GALNT18: variants seen among roughly 807,000 people sequenced by gnomAD.
The protein encoded by GALNT18 is GalNAc-transferase 18.
In GALNT18, 44 loss-of-function variants were observed where a neutral mutation model predicts 69.5. The ratio of observed to expected loss-of-function variants is 0.63; its 90% CI spans 0.50 to 0.81. The LOEUF is 0.81. Among genes scored for constraint, GALNT18 ranks in the 40% least tolerant of loss-of-function variants. The pLI is 0.00. For missense variants in GALNT18, 715 were observed against 810.0 expected (o/e 0.88, Z 1.42); for synonymous variants, 364 against 318.2 (o/e 1.14, Z -1.53).
At chr11:11,276,810 T>C (rs928840683) in intron 10 of GALNT18, among the ~76,000 whole-genome samples, 11 of 152,202 alleles carry the variant, frequency 7.2e-5, no homozygotes, top group East Asian at 3.9e-4. Context: ...TGATGGATTA[T>C]GTTGCTTGAT....
rs1554932034 is a variant in GALNT18, at chr11:11,419,619, A to AAAAAGAAAG, written c.595+13001_595+13002insCTTTCTTTT. Among the ~76,000 whole-genome samples, 36 of 128,448 alleles carry AAAAAGAAAG rather than the reference A, an allele frequency of 2.8e-4. 1 individual carries two copies. In the East Asian group the frequency reaches 4.8e-3, roughly 17 times the overall value. The allele number at this position is 128,448 out of a possible 152,430, so 84.3% of individuals were successfully genotyped here. On this transcript the variant is annotated intron_variant, in intron 3 of 10. Transcript: ENST00000227756. The stretch of plus-strand genomic sequence containing the variant: ...CTCAAAAAAAAAAAAAAAAAAAAAA[A>AAAAAGAAAG]AAAGAAAGAAGGAAAAGAAACCATG...
At chr11:11,346,687 AC>A in intron 6 of GALNT18, among the ~76,000 whole-genome samples, 1 of 152,192 alleles carries the variant, frequency 6.6e-6, no homozygotes, top group South Asian at 2.1e-4. Flanking sequence ...TGCTGGGACC[AC>A]CTCCCACATG....
At chr11:11,426,492 C>T (rs1262909458) in intron 3 of GALNT18, among the ~76,000 whole-genome samples, 1 of 152,208 alleles carries the variant, frequency 6.6e-6, no homozygotes, top group African/African-American at 2.4e-5. Flanking sequence ...TCTACAGATT[C>T]AAAATTCTTT....
rs141378059 is a variant in GALNT18, at chr11:11,276,629, A to G, written c.1678-5339T>C. Reference sequence around the variant, plus strand: ...TTGTGCCAGTTTTCACCCATTCAGTATGATATTGGCTGTGGGTTTGTCATA... The same window carrying G: ...TTGTGCCAGTTTTCACCCATTCAGTGTGATATTGGCTGTGGGTTTGTCATA... On this transcript the variant is annotated intron_variant, in intron 10 of 10. Transcript: ENST00000227756. Among the ~76,000 whole-genome samples the G allele has an allele frequency of 6.8e-3, 1,028 of 151,954 alleles. 14 individuals carry two copies. The highest frequency in any genetic ancestry group is 0.024 in the African/African-American group (983 of 41,496).
At position 11,285,008 on chromosome 11, in the gene GALNT18, C is replaced by T. The variant is rs562581780; in HGVS notation, c.1677+8021G>A. The stretch of plus-strand genomic sequence containing the variant: ...GCCCAGGGCTTGTTGTGTGAAGGGC[C>T]CCTTGGACTGAAGATGGGGTAACAG... On this transcript the variant is annotated intron_variant, in intron 10 of 10. Transcript: ENST00000227756. Among the ~76,000 whole-genome samples, 12 of 145,134 alleles carry T rather than the reference C, an allele frequency of 8.3e-5. No individual in the cohort carries two copies. The South Asian group carries it at 2.7e-3, about 32-fold the overall frequency.
At chr11:11,577,906 T>C (rs10734187) in intron 1 of GALNT18, among the ~76,000 whole-genome samples, 145,805 of 152,266 alleles carry the variant, frequency 0.96, 69,847 homozygotes, top group South Asian at 0.99. Flanking sequence ...GAATACAGAT[T>C]GGCAGGGGCA....
At position 11,377,310 on chromosome 11, in the gene GALNT18, G is replaced by C. The variant is rs762348842; in HGVS notation, c.849C>G (p.Ile283Met). Residue 283 changes from isoleucine (I) to methionine (M), a missense_variant, in exon 5 of 11, where the codon ATC becomes ATG. By Grantham distance (10) the Ile-to-Met change is conservative. Transcript: ENST00000227756. The surrounding 1 kb of genome is among the most constrained non-coding windows in gnomAD (Gnocchi z 4.6). ...CTTCTATCTCAAAGTTGTCATATTTGATGTTATCAAAGGATGGCGAGATGA... is the reference window on the plus strand; with the variant it reads ...CTTCTATCTCAAAGTTGTCATATTTCATGTTATCAAAGGATGGCGAGATGA... ...KRIISPSFDN[I>M]KYDNFEIEEY... 1 of 1,614,062 alleles carries C rather than the reference G, an allele frequency of 6.2e-7. No homozygotes were observed. The highest frequency in any genetic ancestry group is 1.1e-5 in the South Asian group (1 of 91,072).
In GALNT18 at chr11:11,444,029, C is replaced by G. The variant is rs1297127821; in HGVS notation, c.428+4715G>C. ...TGGACATCTTTGGGAGGCCATTATT[C>G]TGCCTATCCATGAAGCCAGGACCCC... is the stretch of plus-strand genomic sequence containing the variant. On this transcript the variant is annotated intron_variant, in intron 2 of 10. Coordinates refer to ENST00000227756, the MANE Select transcript of GALNT18 (RefSeq NM_198516.3). This position sits in a 1 kb window ranked among gnomAD's most constrained non-coding sequence, Gnocchi z 4.4. 3.3e-5 allele frequency among the ~76,000 whole-genome samples: 5 copies of G among 152,296 alleles called. No individual in the cohort carries two copies. The East Asian group carries it at 9.7e-4, about 29-fold the overall frequency.
intron 1 of GALNT18, among the ~76,000 whole-genome samples, chr11:11,521,179 T>A (rs1857390777): frequency 6.6e-6 from 1 of 151,962 alleles, no homozygotes; most frequent in Admixed American, 6.6e-5. Context: ...TGCCCCATAA[T>A]GAGCCCTGAA....
rs569455597 is a variant in GALNT18 at position 11,555,194 on chromosome 11, CGG to C, written c.235+66163_235+66164del. Among the ~76,000 whole-genome samples the C allele has an allele frequency of 1.9e-3, 285 of 152,246 alleles. 3 individuals are homozygous for C. The highest frequency in any genetic ancestry group is 6.7e-3 in the African/African-American group (279 of 41,552). ...AGGATCCCTGATGGGCTGCTCAGGG[CGG>C]GGGTGCCTATCCCCACCCCACCATT... On this transcript the variant is annotated intron_variant, in intron 1 of 10. Transcript: ENST00000227756. The surrounding 1 kb of genome is among the most constrained non-coding windows in gnomAD (Gnocchi z 4.7).
chr11:11,300,374 T>C (rs1590020838), intron 9 of GALNT18, among the ~76,000 whole-genome samples: 2 of 152,302 alleles, frequency 1.3e-5, no homozygotes, highest in Non-Finnish European at 2.9e-5. Context: ...ATTGGGACAC[T>C]GTTTACAAGA....
At chr11:11,366,445 A>T (rs1413852779) in intron 6 of GALNT18, among the ~76,000 whole-genome samples, 1 of 152,220 alleles carries the variant, frequency 6.6e-6, no homozygotes, top group East Asian at 1.9e-4. Flanking sequence ...TGTATGAAGT[A>T]ATTAATTTCT....
Position 11,382,345 on chromosome 11 carries a change from T to A in GALNT18, c.596-3081A>T, listed in dbSNP as rs1369866749. Among the ~76,000 whole-genome samples the A allele has an allele frequency of 6.6e-6, 1 of 152,236 alleles. No homozygotes were observed. Among genetic ancestry groups the A allele is most frequent in the Non-Finnish European group, 1.5e-5 (1 of 68,038 alleles). On this transcript the variant is annotated intron_variant, in intron 3 of 10. Transcript: ENST00000227756. This position sits in a 1 kb window ranked among gnomAD's most constrained non-coding sequence, Gnocchi z 4.3. ...TTTTCATGTTTTCTTTCAATCTTTG[T>A]TAAGTGCCAAAGCAAGAAAGAACTA...
intron 10 of GALNT18, among the ~76,000 whole-genome samples, chr11:11,289,835 G>A (rs780586784): frequency 4.6e-5 from 7 of 152,202 alleles, no homozygotes; most frequent in African/African-American, 9.7e-5. Flanking sequence ...ATGTGATCTT[G>A]GAGGGTGACT....
chr11:11,539,205 C>T (rs536252104), intron 1 of GALNT18, among the ~76,000 whole-genome samples: 5 of 152,346 alleles, frequency 3.3e-5, no homozygotes, highest in South Asian at 4.1e-4. Flanking sequence ...CTCAAGGGCC[C>T]GGTGCCAGTA....
chr11:11,336,102 A>G (rs1489854879), intron 7 of GALNT18, among the ~76,000 whole-genome samples: 1 of 152,238 alleles, frequency 6.6e-6, no homozygotes, highest in Non-Finnish European at 1.5e-5. Flanking sequence ...ACTGAAGCAC[A>G]TGACAAGCCA....
chr11:11,550,596 C>G (rs1486908330), intron 1 of GALNT18, among the ~76,000 whole-genome samples: 1 of 152,206 alleles, frequency 6.6e-6, no homozygotes, highest in Non-Finnish European at 1.5e-5. Context: ...TCTCAGATTA[C>G]AAGTGCATAG....
intron 9 of GALNT18, among the ~76,000 whole-genome samples, chr11:11,307,029 C>T (rs137914509): frequency 6.6e-6 from 1 of 152,342 alleles, no homozygotes; most frequent in Non-Finnish European, 1.5e-5. Flanking sequence ...AGAAGCCTCT[C>T]ACTCCAGCCG....
chr11:11,474,103 C>A (rs771908564), intron 1 of GALNT18, among the ~76,000 whole-genome samples: 1 of 152,090 alleles, frequency 6.6e-6, no homozygotes, highest in African/African-American at 2.4e-5. Flanking sequence ...GTTAATAAAA[C>A]AAACCAAGAC....
Sources: allele counts gnomAD v4.1 joint callset (sites outside exome capture counted in the v4.1 genomes callset), GRCh38; gene constraint gnomAD v4.1.1; non-coding constraint Gnocchi (gnomAD v3.1); transcripts MANE v1.5; gene names NCBI Gene and HGNC (gene_info 2026-07-23, HGNC 2026-07-21).